The following DACH2 variants were observed in gnomAD, a reference collection of about 807,000 sequenced individuals.
DACH2 encodes dachshund homolog 2.
A neutral mutation model predicts 35.8 loss-of-function variants in DACH2; 17 were observed. The observed-to-expected ratio is 0.48, with a 90% CI of 0.33 to 0.71. DACH2 has a LOEUF of 0.71. DACH2 is among the 30% of genes least tolerant of loss of function. The probability of loss-of-function intolerance (pLI) is 0.02; values close to 1 mark genes in which losing one functional copy is unlikely to be tolerated. For synonymous variants in DACH2, 195 were observed against 177.3 expected, an observed-to-expected ratio of 1.10 and a Z score of -0.79; for missense variants, 469 against 472.7, an observed-to-expected ratio of 0.99 and a Z score of 0.07.
chrX:86,776,459 C>A (rs929400129), intron 7 of DACH2, among the ~76,000 whole-genome samples: 1 of 111,874 alleles, frequency 8.9e-6, no homozygotes. Flanking sequence ...TCCATAGTAC[C>A]ACATATAGTT....
chrX:86,348,622 ATTTTC>A (rs1304547358), intron 1 of DACH2, among the ~76,000 whole-genome samples: 1 of 111,486 alleles, frequency 9.0e-6, no homozygotes, highest in Non-Finnish European at 1.9e-5. Context: ...TAAAGTTAAT[ATTTTC>A]TTTTTTTTTA....
chrX:86,799,259 A>G (rs753185636), intron 7 of DACH2: 102 of 168,980 alleles, frequency 6.0e-4, no homozygotes, highest in Non-Finnish European at 2.4e-4. Context: ...ACCCCTTCCC[A>G]ACAGCCAGAC....
chrX:86,158,533 G>T (rs1191791689), intron 1 of DACH2, among the ~76,000 whole-genome samples: 4 of 110,408 alleles, frequency 3.6e-5, no homozygotes, highest in Non-Finnish European at 7.6e-5. Context: ...GTGTGTGTGT[G>T]TGTGTGTGTG....
chrX:86,242,445 A>T (rs908009633), intron 1 of DACH2, among the ~76,000 whole-genome samples: 3 of 112,152 alleles, frequency 2.7e-5, no homozygotes, highest in Non-Finnish European at 3.8e-5. Flanking sequence ...CATTTACTTA[A>T]TGCCTGCACC....
intron 1 of DACH2, among the ~76,000 whole-genome samples, chrX:86,343,739 A>C (rs965613315): frequency 8.9e-6 from 1 of 111,905 alleles, no homozygotes; most frequent in African/African-American, 3.2e-5. Context: ...GCAATTAAAA[A>C]TGTATATAAA....
intron 2 of DACH2, among the ~76,000 whole-genome samples, chrX:86,469,666 T>C (rs2148220702): frequency 9.0e-6 from 1 of 110,918 alleles, no homozygotes; most frequent in South Asian, 3.8e-4. Flanking sequence ...CAGTCCCAAA[T>C]ATAACGCTGT....
intron 1 of DACH2, among the ~76,000 whole-genome samples, chrX:86,313,962 A>G (rs1456974740): frequency 9.0e-6 from 1 of 111,578 alleles, no homozygotes; most frequent in African/African-American, 3.3e-5. Flanking sequence ...TGTTATGGTG[A>G]TCTGTGATCA....
chrX:86,504,639 T>A (rs1407346907), intron 2 of DACH2, among the ~76,000 whole-genome samples: 1 of 111,299 alleles, frequency 9.0e-6, no homozygotes, highest in Non-Finnish European at 1.9e-5. Context: ...TTTTTCTTCT[T>A]ATGACATCTA....
intron 6 of DACH2, among the ~76,000 whole-genome samples, chrX:86,738,019 T>C (rs1293950440): frequency 8.9e-6 from 1 of 111,767 alleles, no homozygotes; most frequent in Non-Finnish European, 1.9e-5. Context: ...GTTGCATCTC[T>C]GTGACAATTC....
intron 1 of DACH2, among the ~76,000 whole-genome samples, chrX:86,193,819 G>A (rs1381612156): frequency 3.6e-5 from 4 of 109,704 alleles, no homozygotes; most frequent in African/African-American, 9.9e-5. Flanking sequence ...CTAACTGCAG[G>A]TTTAATCTGC....
intron 1 of DACH2, among the ~76,000 whole-genome samples, chrX:86,230,341 A>C (rs1199191781): frequency 1.8e-5 from 2 of 110,263 alleles, no homozygotes; most frequent in Non-Finnish European, 3.8e-5. Context: ...GGTTTTTGAT[A>C]TGTTGTGGTT....
chrX:86,517,756 G>C (rs762004490), intron 3 of DACH2, among the ~76,000 whole-genome samples: 9 of 111,032 alleles, frequency 8.1e-5, no homozygotes, highest in Non-Finnish European at 1.5e-4. Context: ...GTTTTTCTCT[G>C]GTAAATTTGT....
chrX:86,284,855 T>C (rs1237376459), intron 1 of DACH2, among the ~76,000 whole-genome samples: 1 of 111,320 alleles, frequency 9.0e-6, no homozygotes, highest in Non-Finnish European at 1.9e-5. Context: ...AACTTCTTCA[T>C]GATTCAATCT....
intron 2 of DACH2, among the ~76,000 whole-genome samples, chrX:86,484,854 A>G (rs2037995157): frequency 1.8e-5 from 2 of 112,376 alleles, no homozygotes; most frequent in Admixed American, 9.5e-5. Context: ...ATACTACCGT[A>G]TATTTTACTA....
intron 2 of DACH2, among the ~76,000 whole-genome samples, chrX:86,499,452 A>G: frequency 9.0e-6 from 1 of 111,596 alleles, no homozygotes; most frequent in South Asian, 3.7e-4. Context: ...ATATTAAACC[A>G]CAAGGCATAG....
chrX:86,813,037 A>T, intron 8 of DACH2, 33 bp downstream of exon 8: 1 of 1,154,449 alleles, frequency 8.7e-7, no homozygotes, highest in East Asian at 3.2e-5. Flanking sequence ...AAATAAATGT[A>T]ATACAAGACA....
chrX:86,740,467 AG>A (rs1408956253), intron 7 of DACH2, among the ~76,000 whole-genome samples: 2 of 104,289 alleles, frequency 1.9e-5, no homozygotes, highest in Non-Finnish European at 3.9e-5. Context: ...CTCGTCATTT[AG>A]CATTAGGTAT....
At chrX:86,230,485 G>T (rs879027352) in intron 1 of DACH2, among the ~76,000 whole-genome samples, 1 of 111,200 alleles carries the variant, frequency 9.0e-6, no homozygotes, top group Non-Finnish European at 1.9e-5. Context: ...TGGTATTAGG[G>T]TGATGCTGGC....
At chrX:86,431,252 G>A (rs1191876557) in intron 2 of DACH2, among the ~76,000 whole-genome samples, 1 of 111,457 alleles carries the variant, frequency 9.0e-6, no homozygotes, top group Non-Finnish European at 1.9e-5. Flanking sequence ...TGTGAGCCTG[G>A]GAAAATTGGG....
Sources: gnomAD v4.1 joint callset for allele counts (sites outside exome capture counted in the v4.1 genomes callset) on GRCh38, gnomAD v4.1.1 for gene constraint, MANE v1.5 for transcripts, NCBI Gene and HGNC (gene_info 2026-07-23, HGNC 2026-07-21) for gene names.